Variants in IL1RAPL1 observed in about 807,000 individuals in gnomAD.
The protein encoded by IL1RAPL1 is interleukin 1 receptor accessory protein like 1.
Under a neutral mutation model 48.4 loss-of-function variants are expected in IL1RAPL1, and 3 were observed. That is an observed-to-expected ratio of 0.06 (90% CI 0.03 to 0.16). IL1RAPL1 has a LOEUF of 0.16. Ranked by LOEUF, IL1RAPL1 falls within the 10% of genes least tolerant of loss-of-function variation. IL1RAPL1 has a pLI of 1.00. For missense variants in IL1RAPL1, 349 were observed against 530.6 expected, an observed-to-expected ratio of 0.66 and a Z score of 3.36; for synonymous variants, 185 against 187.7, an observed-to-expected ratio of 0.99 and a Z score of 0.12.
chrX:28,874,921 C>T (rs750164809), intron 2 of IL1RAPL1, among the ~76,000 whole-genome samples: 76 of 111,737 alleles, frequency 6.8e-4, no homozygotes, highest in Admixed American at 2.0e-3. Context: ...AAATATCAAG[C>T]CAAATTTCTT....
intron 1 of IL1RAPL1, among the ~76,000 whole-genome samples, chrX:28,619,944 G>GTATGAAATA (rs1351361609): frequency 9.0e-6 from 1 of 111,201 alleles, no homozygotes; most frequent in Non-Finnish European, 1.9e-5. Context: ...GAGATTAGTT[G>GTATGAAATA]TATGAAATAT....
chrX:29,293,183 T>C (rs956500229), intron 3 of IL1RAPL1, among the ~76,000 whole-genome samples: 17 of 112,084 alleles, frequency 1.5e-4, no homozygotes, highest in African/African-American at 4.2e-4. Context: ...ACAAATTCAA[T>C]TGATGGAAGT....
rs1226885506 is a variant in IL1RAPL1, at chrX:29,920,282, A to ATCAAATTTGAAATCCTTGC, written c.1057+190_1057+208dup. Among the ~76,000 whole-genome samples the ATCAAATTTGAAATCCTTGC allele has an allele frequency of 1.2e-4, 13 of 111,757 alleles. No individual in the cohort carries two copies. In the Admixed American group the frequency reaches 1.2e-3, roughly 11 times the overall value. On this transcript the variant is annotated intron_variant, in intron 8 of 10. Transcript: ENST00000378993. ...ATGGGTGAGTAACTCAGTCTCTAAA[A>ATCAAATTTGAAATCCTTGC]TCAAATTTGAAATCCTTGCTTTTCT...
intron 2 of IL1RAPL1, among the ~76,000 whole-genome samples, chrX:29,041,568 A>C (rs1405152143): frequency 1.8e-5 from 2 of 112,412 alleles, no homozygotes; most frequent in South Asian, 3.7e-4. Context: ...CTTCATTTGC[A>C]TTTCTGGTAA....
chrX:28,838,006 T>C (rs1254103316), intron 2 of IL1RAPL1, among the ~76,000 whole-genome samples: 2 of 110,905 alleles, frequency 1.8e-5, no homozygotes, highest in Middle Eastern at 4.2e-3. Context: ...TCACTAAGTG[T>C]AGATTATGTA....
At chrX:28,856,453 T>C (rs1239037029) in intron 2 of IL1RAPL1, among the ~76,000 whole-genome samples, 1 of 112,029 alleles carries the variant, frequency 8.9e-6, no homozygotes, top group Admixed American at 9.5e-5. Flanking sequence ...TCTACTTTAT[T>C]GTACTTTGCA....
intron 6 of IL1RAPL1, among the ~76,000 whole-genome samples, chrX:29,787,523 A>G (rs1379906632): frequency 1.8e-5 from 2 of 111,815 alleles, no homozygotes; most frequent in African/African-American, 6.5e-5. Context: ...GTCCCCTGAA[A>G]AGTGTCCTTG....
At chrX:29,749,127 A>T (rs767939473) in intron 6 of IL1RAPL1, among the ~76,000 whole-genome samples, 1 of 111,873 alleles carries the variant, frequency 8.9e-6, no homozygotes, top group Non-Finnish European at 1.9e-5. Flanking sequence ...ATGAAATTGT[A>T]AAGGGAGATG....
intron 2 of IL1RAPL1, among the ~76,000 whole-genome samples, chrX:29,256,684 G>A (rs931496152): frequency 1.8e-5 from 2 of 111,226 alleles, no homozygotes; most frequent in Admixed American, 9.6e-5. Context: ...CGAGATCACC[G>A]TCAGTTTCAC....
intron 3 of IL1RAPL1, among the ~76,000 whole-genome samples, chrX:29,385,287 T>C (rs1354512564): frequency 8.9e-6 from 1 of 111,809 alleles, no homozygotes; most frequent in African/African-American, 3.2e-5. Context: ...AAAGCCCGTC[T>C]CTACTAAAAA....
At chrX:29,589,908 G>A (rs1213634668) in intron 5 of IL1RAPL1, among the ~76,000 whole-genome samples, 1 of 111,149 alleles carries the variant, frequency 9.0e-6, no homozygotes, top group Non-Finnish European at 1.9e-5. Flanking sequence ...GAAGCCTCAT[G>A]AAGTTCACAA....
intron 2 of IL1RAPL1, among the ~76,000 whole-genome samples, chrX:29,081,020 C>CTCTCT (rs1555960745): frequency 1.7e-4 from 7 of 41,909 alleles, no homozygotes; most frequent in African/African-American, 3.6e-4. Context: ...CTCTCTCTCT[C>CTCTCT]TTTCTTTTCT....
intron 2 of IL1RAPL1, among the ~76,000 whole-genome samples, chrX:28,793,342 C>G (rs186818494): frequency 9.1e-6 from 1 of 110,186 alleles, no homozygotes; most frequent in Admixed American, 9.7e-5. Context: ...TCCCTTTCTT[C>G]ATTCCTTCCT....
chrX:29,172,299 C>T (rs754068831), intron 2 of IL1RAPL1, among the ~76,000 whole-genome samples: 2 of 111,983 alleles, frequency 1.8e-5, no homozygotes, highest in South Asian at 7.5e-4. Flanking sequence ...TGGTTCTCAA[C>T]GTGTGGTTCC....
At chrX:28,939,012 A>G (rs1334248607) in intron 2 of IL1RAPL1, among the ~76,000 whole-genome samples, 7 of 107,334 alleles carry the variant, frequency 6.5e-5, no homozygotes. Context: ...TATTATTAAT[A>G]AACAGTAAAA....
At chrX:29,880,328 A>G (rs113327219) in intron 6 of IL1RAPL1, among the ~76,000 whole-genome samples, 186 of 112,185 alleles carry the variant, frequency 1.7e-3, no homozygotes, top group African/African-American at 5.8e-3. Context: ...TGTCAGCAAC[A>G]GAAAATTAAA....
At chrX:29,602,632 C>A (rs1923762362) in intron 5 of IL1RAPL1, among the ~76,000 whole-genome samples, 1 of 112,200 alleles carries the variant, frequency 8.9e-6, no homozygotes, top group South Asian at 3.7e-4. Flanking sequence ...CAAATCAAAT[C>A]CTTAATGGAA....
intron 2 of IL1RAPL1, among the ~76,000 whole-genome samples, chrX:29,154,792 T>A (rs1929535273): frequency 9.0e-6 from 1 of 111,403 alleles, no homozygotes; most frequent in Admixed American, 9.6e-5. Flanking sequence ...GATTCAGCTA[T>A]AAATAAAATT....
intron 2 of IL1RAPL1, among the ~76,000 whole-genome samples, chrX:29,178,579 T>C (rs1930077943): frequency 8.9e-6 from 1 of 111,977 alleles, no homozygotes; most frequent in Non-Finnish European, 1.9e-5. Flanking sequence ...TGTTTTGCTG[T>C]GCAGAAGCTC....
Sources: allele counts gnomAD v4.1 joint callset (sites outside exome capture counted in the v4.1 genomes callset), GRCh38; gene constraint gnomAD v4.1.1; transcripts MANE v1.5; gene names NCBI Gene and HGNC (gene_info 2026-07-23, HGNC 2026-07-21).